The following CADPS variants were observed in gnomAD, a reference collection of about 807,000 sequenced individuals.
The protein encoded by CADPS is calcium-dependent secretion activator 1.
CADPS carries 57 observed loss-of-function variants against 167.3 expected under a neutral mutation model. The ratio of observed to expected loss-of-function variants is 0.34; its 90% CI spans 0.28 to 0.42. The LOEUF is 0.42. CADPS is among the 20% of genes least tolerant of loss of function. The pLI, the probability that CADPS is intolerant of heterozygous loss-of-function variation, is 1.00. For missense variants in CADPS, 1,414 were observed against 1,738.1 expected (o/e 0.81, Z 3.32); for synonymous variants, 676 against 635.3 (o/e 1.06, Z -0.96).
intron 1 of CADPS, among the ~76,000 whole-genome samples, chr3:62,797,630 C>T (rs2093511817): frequency 6.6e-6 from 1 of 151,988 alleles, no homozygotes; most frequent in Non-Finnish European, 1.5e-5. Flanking sequence ...CACATGGACA[C>T]ATAGAGAAGA....
At chr3:62,460,708 G>A (rs1048576533) in intron 26 of CADPS, among the ~76,000 whole-genome samples, 6 of 152,182 alleles carry the variant, frequency 3.9e-5, no homozygotes, top group Non-Finnish European at 5.9e-5. Flanking sequence ...CAAACGTCTC[G>A]CAAATTCTAG....
intron 3 of CADPS, among the ~76,000 whole-genome samples, chr3:62,718,562 A>G (rs137937262): frequency 2.0e-5 from 3 of 152,338 alleles, no homozygotes; most frequent in African/African-American, 7.2e-5. Context: ...GATGTTTCCT[A>G]GTTGAGTAAC....
intron 3 of CADPS, among the ~76,000 whole-genome samples, chr3:62,752,001 A>T (rs967232012): frequency 5.9e-5 from 9 of 152,216 alleles, no homozygotes; most frequent in Non-Finnish European, 8.8e-5. Context: ...AGCTGTTGCA[A>T]TAAGAAGAAA....
At chr3:62,407,188 C>G (rs1430845865) in intron 28 of CADPS, among the ~76,000 whole-genome samples, 4 of 152,056 alleles carry the variant, frequency 2.6e-5, no homozygotes, top group African/African-American at 2.4e-5. Flanking sequence ...TTTTCTCTCC[C>G]TCTCTCAACC....
chr3:62,642,682 G>T (rs2067665719), intron 6 of CADPS, among the ~76,000 whole-genome samples: 1 of 152,126 alleles, frequency 6.6e-6, no homozygotes, highest in Non-Finnish European at 1.5e-5. Context: ...TGAGGCGGGG[G>T]CAGGTCACTT....
intron 1 of CADPS, among the ~76,000 whole-genome samples, chr3:62,843,008 G>T (rs1216011692): frequency 1.3e-5 from 2 of 152,056 alleles, no homozygotes; most frequent in African/African-American, 4.8e-5. Flanking sequence ...TAACAAATGT[G>T]TTTAAAATAA....
chr3:62,405,473 C>T (rs1267088741), intron 28 of CADPS, among the ~76,000 whole-genome samples: 13 of 148,742 alleles, frequency 8.7e-5, no homozygotes, highest in South Asian at 4.2e-4. Flanking sequence ...AATAAAATAA[C>T]GCAACCCCCT....
In CADPS at chr3:62,438,715, TTGTG is replaced by T. The variant is rs34771903; in HGVS notation, c.3670-508_3670-505del. Reference sequence around the variant, plus strand: ...TATACCTCTTCCTACCCAAGTCTCATTGTGTGTGTGTGTGTGTGTGTGTGTGTGT... The same window carrying T: ...TATACCTCTTCCTACCCAAGTCTCATTGTGTGTGTGTGTGTGTGTGTGTGT... On this transcript the variant is annotated intron_variant, in intron 27 of 29. Transcript: ENST00000383710. This position sits in a 1 kb window ranked among gnomAD's most constrained non-coding sequence, Gnocchi z 4.7. 15,274 of 143,964 alleles carry T rather than the reference TTGTG, an allele frequency of 0.11. 806 individuals are homozygous for T. The highest frequency in any genetic ancestry group is 0.15 in the East Asian group (745 of 4,830). 8.9% of individuals were successfully genotyped at this position (143,964 alleles called of 1,614,324 possible).
intron 1 of CADPS, among the ~76,000 whole-genome samples, chr3:62,829,970 A>G (rs572482180): frequency 6.6e-6 from 1 of 152,006 alleles, no homozygotes; most frequent in Non-Finnish European, 1.5e-5. Context: ...TTCTGCTGAG[A>G]TTTCTTCCCT....
chr3:62,832,371 A>G (rs1224997494), intron 1 of CADPS, among the ~76,000 whole-genome samples: 1 of 152,228 alleles, frequency 6.6e-6, no homozygotes, highest in Admixed American at 6.5e-5. Context: ...GAGAGCTTAA[A>G]GGGCTTGCCC....
chr3:62,647,803 C>T (rs2068932039), intron 5 of CADPS, among the ~76,000 whole-genome samples: 1 of 152,204 alleles, frequency 6.6e-6, no homozygotes, highest in Non-Finnish European at 1.5e-5. Context: ...GCAGGTTTCT[C>T]AACCTCTCTG....
intron 11 of CADPS, among the ~76,000 whole-genome samples, chr3:62,546,468 G>C (rs73104958): frequency 1.1e-3 from 165 of 152,182 alleles, no homozygotes; most frequent in Non-Finnish European, 1.7e-3. Context: ...CATGTGTAAG[G>C]CTTGATCTAT....
chr3:62,564,425 A>G (rs2079750352), intron 9 of CADPS, among the ~76,000 whole-genome samples: 1 of 152,174 alleles, frequency 6.6e-6, no homozygotes. Context: ...GTAGTACAGA[A>G]AGGTTGTGAA....
intron 26 of CADPS, among the ~76,000 whole-genome samples, chr3:62,463,322 T>C (rs1336004697): frequency 6.6e-6 from 1 of 152,162 alleles, no homozygotes; most frequent in Non-Finnish European, 1.5e-5. Flanking sequence ...TTCCTGAGTT[T>C]CACAGGTTCA....
intron 10 of CADPS, among the ~76,000 whole-genome samples, chr3:62,552,519 C>T (rs1276468401): frequency 6.6e-6 from 1 of 152,200 alleles, no homozygotes; most frequent in East Asian, 1.9e-4. Context: ...TTCATATCTT[C>T]ATCAGGTTCC....
chr3:62,783,080 T>C (rs1179220254), intron 1 of CADPS, among the ~76,000 whole-genome samples: 2 of 152,146 alleles, frequency 1.3e-5, no homozygotes, highest in East Asian at 3.9e-4. Flanking sequence ...TTTTTTAATA[T>C]AGCATCTTAC....
chr3:62,789,098 C>A (rs370221515), intron 1 of CADPS, among the ~76,000 whole-genome samples: 2 of 152,166 alleles, frequency 1.3e-5, no homozygotes, highest in South Asian at 4.1e-4. Flanking sequence ...GTTCAAAGCA[C>A]TGAGCAGAAC....
chr3:62,567,891 G>A (rs1160507398), intron 9 of CADPS, among the ~76,000 whole-genome samples: 1 of 152,052 alleles, frequency 6.6e-6, no homozygotes, highest in Non-Finnish European at 1.5e-5. Flanking sequence ...GCCTCTTGAT[G>A]TGTCTTGTCT....
chr3:62,759,812 T>C lies in CADPS; in HGVS notation c.556-6039A>G, dbSNP rs1422143984. The stretch of plus-strand genomic sequence containing the variant: ...TTCTACATTGTCTGTTTTATTTTTA[T>C]AGTGGGCATGTTTTACTTTCACGGT... On this transcript the variant is annotated intron_variant, in intron 2 of 29. Transcript: ENST00000383710. Among the ~76,000 whole-genome samples the C allele has an allele frequency of 2.0e-5, 3 of 152,188 alleles. No individual in the cohort carries two copies. The East Asian group carries it at 5.8e-4, about 29-fold the overall frequency.
Sources: gnomAD v4.1 joint callset for allele counts (sites outside exome capture counted in the v4.1 genomes callset) on GRCh38, gnomAD v4.1.1 for gene constraint, Gnocchi (gnomAD v3.1) non-coding constraint, MANE v1.5 for transcripts, NCBI Gene and HGNC (gene_info 2026-07-23, HGNC 2026-07-21) for gene names.